Variants in CSMD1 observed in about 807,000 individuals in gnomAD.
CSMD1 encodes CUB and sushi domain-containing protein 1.
A neutral mutation model predicts 417.5 loss-of-function variants in CSMD1; 213 were observed. The observed-to-expected ratio is 0.51, with a 90% CI of 0.46 to 0.57. The LOEUF is 0.57. Ranked by LOEUF, CSMD1 falls within the 20% of genes least tolerant of loss-of-function variation. The pLI, the probability that CSMD1 is intolerant of heterozygous loss-of-function variation, is 0.00. For synonymous variants in CSMD1, 2,862 were observed against 1,736.8 expected (o/e 1.65, Z -16.11); for missense variants, 6,923 against 4,529.7 (o/e 1.53, Z -15.17).
At chr8:3,729,019 G>A (rs922932061) in intron 6 of CSMD1, among the ~76,000 whole-genome samples, 1 of 152,288 alleles carries the variant, frequency 6.6e-6, no homozygotes, top group South Asian at 2.1e-4. Context: ...GGGGAGCCCC[G>A]CCAAACCGAC....
At chr8:4,464,696 G>A (rs995434900) in intron 2 of CSMD1, among the ~76,000 whole-genome samples, 3 of 151,974 alleles carry the variant, frequency 2.0e-5, no homozygotes, top group Non-Finnish European at 2.9e-5. Flanking sequence ...GCCAAACTCT[G>A]TATTGTTGTG....
chr8:4,495,835 T>C (rs907417446), intron 2 of CSMD1, among the ~76,000 whole-genome samples: 1 of 152,184 alleles, frequency 6.6e-6, no homozygotes, highest in African/African-American at 2.4e-5. Flanking sequence ...TATCAACAAA[T>C]ATTAGAATTA....
intron 25 of CSMD1, among the ~76,000 whole-genome samples, chr8:3,285,513 A>C (rs145634090): frequency 5.2e-4 from 79 of 151,964 alleles, no homozygotes; most frequent in African/African-American, 1.6e-3. Context: ...CAGCCTCCCA[A>C]GAAGCTAGGA....
At chr8:4,554,182 G>C (rs1204176215) in intron 2 of CSMD1, among the ~76,000 whole-genome samples, 1 of 152,130 alleles carries the variant, frequency 6.6e-6, no homozygotes, top group Non-Finnish European at 1.5e-5. Context: ...TGTCGCCCAG[G>C]CTGGAGTGCA....
chr8:3,118,184 T>C (rs1259329037), intron 42 of CSMD1, among the ~76,000 whole-genome samples: 1 of 152,198 alleles, frequency 6.6e-6, no homozygotes, highest in African/African-American at 2.4e-5. Context: ...GCCATCCTTA[T>C]AATTTCCTTG....
At chr8:4,470,378 C>A (rs949989475) in intron 2 of CSMD1, among the ~76,000 whole-genome samples, 1 of 152,186 alleles carries the variant, frequency 6.6e-6, no homozygotes, top group Non-Finnish European at 1.5e-5. Flanking sequence ...TCTCTCTTCC[C>A]TCTTATTTTT....
chr8:4,273,886 G>T (rs1804756378), intron 3 of CSMD1, among the ~76,000 whole-genome samples: 1 of 152,130 alleles, frequency 6.6e-6, no homozygotes, highest in Non-Finnish European at 1.5e-5. Flanking sequence ...GGTGTTAAGT[G>T]TTCAGTAAGT....
chr8:2,967,186 A>G (rs1804045929), intron 57 of CSMD1, among the ~76,000 whole-genome samples: 1 of 152,190 alleles, frequency 6.6e-6, no homozygotes, highest in Admixed American at 6.5e-5. Context: ...ATTTTTTTAA[A>G]ATCTAGGCAA....
intron 49 of CSMD1, among the ~76,000 whole-genome samples, chr8:3,064,717 C>T (rs920903455): frequency 6.6e-6 from 1 of 152,152 alleles, no homozygotes; most frequent in Admixed American, 6.5e-5. Context: ...TTGGCCATTA[C>T]AAATCCTTAC....
chr8:4,052,829 G>A (rs1192614038), intron 3 of CSMD1, among the ~76,000 whole-genome samples: 1 of 152,004 alleles, frequency 6.6e-6, no homozygotes, highest in Non-Finnish European at 1.5e-5. Flanking sequence ...TTTGGGGCAG[G>A]GCCTAGGTAA....
chr8:2,966,023 T>C (rs1803924286), intron 58 of CSMD1, 69 bp from the exon 59 acceptor site: 1 of 1,332,922 alleles, frequency 7.5e-7, no homozygotes, highest in Non-Finnish European at 1.0e-6. Context: ...TCACCATTTC[T>C]ATTCAAGATA....
At chr8:4,979,662 G>A (rs1047461590) in intron 1 of CSMD1, among the ~76,000 whole-genome samples, 1 of 152,218 alleles carries the variant, frequency 6.6e-6, no homozygotes, top group Non-Finnish European at 1.5e-5. Flanking sequence ...ATATGTTGGT[G>A]TGGTGAAAAT....
intron 23 of CSMD1, among the ~76,000 whole-genome samples, chr8:3,331,521 A>G (rs1176846071): frequency 1.3e-5 from 2 of 152,188 alleles, no homozygotes; most frequent in African/African-American, 4.8e-5. Context: ...TAATGATAGG[A>G]CCTTAACTTA....
chr8:3,630,676 T>G (rs1796737861), intron 7 of CSMD1, among the ~76,000 whole-genome samples: 1 of 151,918 alleles, frequency 6.6e-6, no homozygotes, highest in Non-Finnish European at 1.5e-5. Context: ...AGAAAAAATG[T>G]GAGAGAAATG....
intron 3 of CSMD1, among the ~76,000 whole-genome samples, chr8:4,123,932 T>C (rs1239727918): frequency 6.6e-6 from 1 of 152,190 alleles, no homozygotes; most frequent in Non-Finnish European, 1.5e-5. Context: ...AAGTTTCTTA[T>C]TTGTCAATTA....
chr8:3,553,343 A>C (rs1311009435), intron 10 of CSMD1, among the ~76,000 whole-genome samples: 1 of 152,204 alleles, frequency 6.6e-6, no homozygotes, highest in Non-Finnish European at 1.5e-5. Context: ...ATAATTTGAG[A>C]AGTCATTAAC....
Position 4,630,300 on chromosome 8 carries a change from ACACACT to A in CSMD1, c.302+7036_302+7041del, listed in dbSNP as rs918382419. 4.9e-5 allele frequency among the ~76,000 whole-genome samples: 7 copies of A among 143,136 alleles called. No homozygotes were observed. In the South Asian group the frequency reaches 6.8e-4, roughly 14 times the overall value. The allele number at this position is 143,136 out of a possible 152,430, so 93.9% of individuals were successfully genotyped here. ...CACACACACACACACACACACACAC[ACACACT>A]CTCACAGTTGTTGTCAACTAAGGCT... On this transcript the variant is annotated intron_variant, in intron 2 of 69. Transcript: ENST00000635120.
At chr8:3,913,020 A>G (rs1366947064) in intron 5 of CSMD1, among the ~76,000 whole-genome samples, 1 of 152,166 alleles carries the variant, frequency 6.6e-6, no homozygotes, top group Non-Finnish European at 1.5e-5. Context: ...ATAATGAGCT[A>G]AGGCGTGGAG....
chr8:4,192,838 C>T (rs1000001928), intron 3 of CSMD1, among the ~76,000 whole-genome samples: 23 of 152,130 alleles, frequency 1.5e-4, no homozygotes, highest in African/African-American at 5.3e-4. Context: ...GCTATTAAGC[C>T]CAAGATCACT....
Sources: allele counts gnomAD v4.1 joint callset (sites outside exome capture counted in the v4.1 genomes callset), GRCh38; gene constraint gnomAD v4.1.1; transcripts MANE v1.5; gene names NCBI Gene and HGNC (gene_info 2026-07-23, HGNC 2026-07-21).